Variants in PRDM5 observed in about 807,000 individuals in gnomAD.
PRDM5 encodes the protein PR domain zinc finger protein 5.
A neutral mutation model predicts 81.2 loss-of-function variants in PRDM5; 56 were observed. The ratio of observed to expected loss-of-function variants is 0.69; its 90% CI spans 0.56 to 0.86. The LOEUF (loss-of-function observed/expected upper bound fraction) is 0.86, where lower values mean the gene tolerates loss of function less well. PRDM5 is among the 40% of genes least tolerant of loss of function. The pLI, the probability that PRDM5 is intolerant of heterozygous loss-of-function variation, is 0.00. For missense variants in PRDM5, 697 were observed against 770.1 expected, an observed-to-expected ratio of 0.91 and a Z score of 1.12; for synonymous variants, 267 against 256.4, an observed-to-expected ratio of 1.04 and a Z score of -0.39.
rs543057034 is a variant in PRDM5, at chr4:120,736,672, AG to A, written c.1623+17880del. Reference sequence around the variant, plus strand: ...CCATATGAAGTTATCGGACACTCTCAGGCATCTTGTACTATATATTCGATCA... The same window carrying A: ...CCATATGAAGTTATCGGACACTCTCAGCATCTTGTACTATATATTCGATCA... On this transcript the variant is annotated intron_variant, in intron 14 of 15. Coordinates refer to ENST00000264808, the MANE Select transcript of PRDM5 (RefSeq NM_018699.4). Among the ~76,000 whole-genome samples, 122 of 152,274 alleles carry A rather than the reference AG, an allele frequency of 8.0e-4. 1 individual carries two copies. Among genetic ancestry groups the A allele is most frequent in the African/African-American group, 2.8e-3 (115 of 41,546 alleles).
intron 14 of PRDM5, among the ~76,000 whole-genome samples, chr4:120,740,452 T>G (rs1463415201): frequency 1.3e-5 from 2 of 152,120 alleles, no homozygotes; most frequent in Admixed American, 1.3e-4. Flanking sequence ...GCTCCTCCCC[T>G]CCTTCCTCTC....
At chr4:120,696,231 T>C (rs1367818675) in intron 15 of PRDM5, among the ~76,000 whole-genome samples, 1 of 152,114 alleles carries the variant, frequency 6.6e-6, no homozygotes, top group African/African-American at 2.4e-5. Flanking sequence ...AAAATAAGCT[T>C]TAGAGTCTGA....
chr4:120,781,278 G>C lies in PRDM5; in HGVS notation c.1308C>G (p.His436Gln), dbSNP rs760532453. 6.2e-7 allele frequency: 1 copy of C among 1,613,228 alleles called. No homozygotes were observed. Among genetic ancestry groups the C allele is most frequent in the South Asian group, 1.1e-5 (1 of 91,078 alleles). Residue 436 changes from histidine (H) to glutamine (Q), a missense_variant, in exon 12 of 16, where the codon CAC becomes CAG. Coordinates refer to ENST00000264808, the MANE Select transcript of PRDM5 (RefSeq NM_018699.4). ...HNSERTFKCH[H>Q]CDATFKRKDT... Reference sequence around the variant, plus strand: ...CCTTCCTCTTAAAGGTAGCATCGCAGTGATGGCACTTGAAAGTCCTCTCAC... The same window carrying C: ...CCTTCCTCTTAAAGGTAGCATCGCACTGATGGCACTTGAAAGTCCTCTCAC...
intron 8 of PRDM5, among the ~76,000 whole-genome samples, chr4:120,804,854 G>C (rs533353014): frequency 6.6e-6 from 1 of 152,260 alleles, no homozygotes; most frequent in South Asian, 2.1e-4. Flanking sequence ...TAAGACCAGA[G>C]CAGAACTGGA....
At chr4:120,898,434 C>T (rs1237192884) in intron 2 of PRDM5, among the ~76,000 whole-genome samples, 2 of 152,172 alleles carry the variant, frequency 1.3e-5, no homozygotes, top group Admixed American at 1.3e-4. Context: ...AAAAGCTCTA[C>T]CTATTTCTGT....
chr4:120,711,922 C>G (rs1166231480), intron 14 of PRDM5, among the ~76,000 whole-genome samples: 1 of 152,090 alleles, frequency 6.6e-6, no homozygotes, highest in East Asian at 1.9e-4. Flanking sequence ...CAAAAAGTTT[C>G]GTTCAGATTT....
intron 1 of PRDM5, among the ~76,000 whole-genome samples, chr4:120,912,544 T>C (rs531453924): frequency 4.7e-4 from 72 of 152,260 alleles, no homozygotes; most frequent in Non-Finnish European, 5.9e-4. Flanking sequence ...CATAACTAAA[T>C]GTAATATGTA....
At position 120,879,341 on chromosome 4, in the gene PRDM5, A is replaced by G. The variant is rs1000290840; in HGVS notation, c.178-25801T>C. On this transcript the variant is annotated intron_variant, in intron 2 of 15. Coordinates refer to ENST00000264808, the MANE Select transcript of PRDM5 (RefSeq NM_018699.4). Reference sequence around the variant, plus strand: ...ACTATGATTGACCCTTGAATAACACAGATTTTGAACTGTGCAGGTCCACTT... The same window carrying G: ...ACTATGATTGACCCTTGAATAACACGGATTTTGAACTGTGCAGGTCCACTT... Among the ~76,000 whole-genome samples, 8 of 152,172 alleles carry G rather than the reference A, an allele frequency of 5.3e-5. No individual in the cohort carries two copies. The South Asian group carries it at 1.2e-3, about 24-fold the overall frequency.
At chr4:120,861,815 CAA>C in intron 2 of PRDM5, among the ~76,000 whole-genome samples, 1 of 148,358 alleles carries the variant, frequency 6.7e-6, no homozygotes, top group African/African-American at 2.5e-5. Flanking sequence ...AAAGAAAAAA[CAA>C]AAAAAAAGGA....
intron 8 of PRDM5, among the ~76,000 whole-genome samples, chr4:120,806,491 A>C (rs1553975485): frequency 6.6e-6 from 1 of 152,192 alleles, no homozygotes; most frequent in Non-Finnish European, 1.5e-5. Context: ...GCACTGGTAC[A>C]AAAACAGATC....
intron 13 of PRDM5, among the ~76,000 whole-genome samples, chr4:120,767,430 T>C (rs1456023610): frequency 6.6e-6 from 1 of 152,158 alleles, no homozygotes; most frequent in East Asian, 1.9e-4. Context: ...AACTGAGTGT[T>C]ATTTGATATC....
intron 14 of PRDM5, among the ~76,000 whole-genome samples, chr4:120,746,074 C>T (rs1194602514): frequency 1.5e-5 from 2 of 136,192 alleles, no homozygotes; most frequent in Non-Finnish European, 3.1e-5. Flanking sequence ...GGTACTGGTA[C>T]CAAAACAGAG....
intron 3 of PRDM5, among the ~76,000 whole-genome samples, chr4:120,826,274 A>G (rs899824937): frequency 6.6e-6 from 1 of 152,178 alleles, no homozygotes; most frequent in African/African-American, 2.4e-5. Context: ...CCTTAGTACA[A>G]CTGCAAAGAT....
In PRDM5 at chr4:120,710,520, T is replaced by G. The variant is rs1333878547; in HGVS notation, c.1624-107A>C. On this transcript the variant is annotated intron_variant, in intron 14 of 15. Coordinates refer to ENST00000264808, the MANE Select transcript of PRDM5 (RefSeq NM_018699.4). ...GGATCCACAGAATACTGCAGCAAAT[T>G]TACAGGTATGCTGATATGGTTTGGC... is the stretch of plus-strand genomic sequence containing the variant. 3 of 878,782 alleles carry G rather than the reference T, an allele frequency of 3.4e-6. No individual in the cohort carries two copies. In the Admixed American group the frequency reaches 5.8e-5, roughly 17 times the overall value. 54.4% of individuals were successfully genotyped at this position (878,782 alleles called of 1,614,324 possible).
At chr4:120,702,629 T>G (rs189705615) in intron 15 of PRDM5, among the ~76,000 whole-genome samples, 8 of 152,322 alleles carry the variant, frequency 5.3e-5, no homozygotes, top group African/African-American at 1.9e-4. Flanking sequence ...AATGATTGAT[T>G]GATTAAATCT....
At chr4:120,922,413 C>T in intron 1 of PRDM5, 103 bp downstream of exon 1, 1 of 1,179,924 alleles carries the variant, frequency 8.5e-7, no homozygotes, top group Admixed American at 4.7e-5. Context: ...GAGGGGCGAC[C>T]GGGGTGAAGC....
intron 14 of PRDM5, among the ~76,000 whole-genome samples, chr4:120,743,396 A>T (rs1320705349): frequency 1.1e-4 from 17 of 150,898 alleles, no homozygotes; most frequent in Admixed American, 1.1e-3. Context: ...ACCAGCTAAC[A>T]TCATAATGAC....
chr4:120,716,849 A>C (rs971539507), intron 14 of PRDM5, among the ~76,000 whole-genome samples: 1 of 152,150 alleles, frequency 6.6e-6, no homozygotes, highest in Admixed American at 6.5e-5. Context: ...AATAAACCAA[A>C]ATAGAAGAAA....
In PRDM5 at chr4:120,776,368, A is replaced by G. The variant is rs537691529; in HGVS notation, c.1537+820T>C. Among the ~76,000 whole-genome samples, 3 of 152,270 alleles carry G rather than the reference A, an allele frequency of 2.0e-5. No homozygotes were observed. The South Asian group carries it at 6.2e-4, about 32-fold the overall frequency. Reference sequence around the variant, plus strand: ...CCTACTTTAACATTTCTCCATTGACAATACAGTTATTGTGCTAGACATTGA... The same window carrying G: ...CCTACTTTAACATTTCTCCATTGACGATACAGTTATTGTGCTAGACATTGA... On this transcript the variant is annotated intron_variant, in intron 13 of 15. Transcript: ENST00000264808.
Sources: allele counts gnomAD v4.1 joint callset (sites outside exome capture counted in the v4.1 genomes callset), GRCh38; gene constraint gnomAD v4.1.1; transcripts MANE v1.5; gene names NCBI Gene and HGNC (gene_info 2026-07-23, HGNC 2026-07-21).